Variants in RAB6A observed in about 807,000 individuals in gnomAD.
RAB6A encodes the protein ras-related protein Rab-6A.
Under a neutral mutation model 32.3 loss-of-function variants are expected in RAB6A, and 8 were observed. That is an observed-to-expected ratio of 0.25 (90% CI 0.15 to 0.45). The LOEUF is 0.45. RAB6A is among the 20% of genes least tolerant of loss of function. The pLI, the probability that RAB6A is intolerant of heterozygous loss-of-function variation, is 1.00. For synonymous variants in RAB6A, 73 were observed against 82.1 expected (o/e 0.89, Z 0.60); for missense variants, 104 against 249.4 (o/e 0.42, Z 3.93).
At chr11:73,701,994 A>G (rs1333517803) in intron 6 of RAB6A, among the ~76,000 whole-genome samples, 1 of 152,236 alleles carries the variant, frequency 6.6e-6, no homozygotes, top group Admixed American at 6.5e-5. Flanking sequence ...TAATGAAGAC[A>G]TAATGATCCT....
At chr11:73,709,934 C>CAT (rs1359317827) in intron 5 of RAB6A, among the ~76,000 whole-genome samples, 1 of 90,632 alleles carries the variant, frequency 1.1e-5, no homozygotes, top group Non-Finnish European at 2.1e-5. Flanking sequence ...CATATATATA[C>CAT]ATACACACAC....
chr11:73,723,682 C>A (rs1457085209), intron 2 of RAB6A, among the ~76,000 whole-genome samples: 1 of 152,040 alleles, frequency 6.6e-6, no homozygotes, highest in Admixed American at 6.6e-5. Context: ...AGCTGAGAAT[C>A]CTGTGGTAAA....
intron 6 of RAB6A, among the ~76,000 whole-genome samples, chr11:73,689,486 T>G (rs1375061752): frequency 6.6e-6 from 1 of 152,220 alleles, no homozygotes; most frequent in African/African-American, 2.4e-5. Context: ...GGACCAGTAT[T>G]GGGCTGTGGC....
chr11:73,724,669 G>C (rs1470047298), intron 2 of RAB6A, among the ~76,000 whole-genome samples: 2 of 152,042 alleles, frequency 1.3e-5, no homozygotes, highest in Non-Finnish European at 2.9e-5. Flanking sequence ...TGTATTTTTA[G>C]TAGAGACGGG....
rs971388661 is a variant in RAB6A at position 73,707,156 on chromosome 11, A to G, written c.495+264T>C. The stretch of plus-strand genomic sequence containing the variant: ...AAAAAAAAAAAAGAAAAGAAAATTT[A>G]CCTTTAAAGCAATGTAGTAGGAATG... On this transcript the variant is annotated intron_variant, in intron 6 of 7. Coordinates refer to ENST00000336083, the MANE Select transcript of RAB6A (RefSeq NM_198896.2). Among the ~76,000 whole-genome samples, 16 of 150,838 alleles carry G rather than the reference A, an allele frequency of 1.1e-4. 1 individual carries two copies. The highest frequency in any genetic ancestry group is 3.6e-4 in the African/African-American group (15 of 41,188).
chr11:73,741,898 C>A (rs547433819), intron 1 of RAB6A, among the ~76,000 whole-genome samples: 1 of 152,080 alleles, frequency 6.6e-6, no homozygotes, highest in Non-Finnish European at 1.5e-5. Context: ...GAGGCACTTA[C>A]TGATATTTCC....
At chr11:73,679,075 T>C (rs190895834) in intron 7 of RAB6A, among the ~76,000 whole-genome samples, 23 of 152,214 alleles carry the variant, frequency 1.5e-4, no homozygotes, top group Admixed American at 1.5e-3. Flanking sequence ...TGGGAAGAGC[T>C]GAATACAAAG....
chr11:73,738,110 T>C (rs1031892904), intron 1 of RAB6A, among the ~76,000 whole-genome samples: 5 of 152,256 alleles, frequency 3.3e-5, no homozygotes, highest in African/African-American at 1.2e-4. Context: ...AAAGTTGTTA[T>C]AAAAATTTAT....
chr11:73,715,120 C>T lies in RAB6A; in HGVS notation c.401+1131G>A, dbSNP rs112465989. The stretch of plus-strand genomic sequence containing the variant: ...TAAATTAAGAAAGACTTTTTTGCAA[C>T]TGTACTACCAATTCTTTTTTTTTTG... On this transcript the variant is annotated intron_variant, in intron 5 of 7. Transcript: ENST00000336083. Among the ~76,000 whole-genome samples, 571 of 152,210 alleles carry T rather than the reference C, an allele frequency of 3.8e-3. 4 individuals carry two copies. Among genetic ancestry groups the T allele is most frequent in the African/African-American group, 0.013 (543 of 41,536 alleles).
intron 6 of RAB6A, among the ~76,000 whole-genome samples, chr11:73,689,131 A>T (rs1945505477): frequency 1.3e-5 from 2 of 152,124 alleles, no homozygotes; most frequent in African/African-American, 4.8e-5. Context: ...CAAGAAAAAA[A>T]AAAAAATTGC....
At chr11:73,685,950 A>C (rs1420030841) in intron 6 of RAB6A, among the ~76,000 whole-genome samples, 2 of 151,522 alleles carry the variant, frequency 1.3e-5, no homozygotes, top group African/African-American at 2.4e-5. Flanking sequence ...TATCAGAGAT[A>C]AATGAACTCA....
chr11:73,735,206 T>C (rs932515793), intron 1 of RAB6A, among the ~76,000 whole-genome samples: 2 of 152,172 alleles, frequency 1.3e-5, no homozygotes, highest in Non-Finnish European at 2.9e-5. Flanking sequence ...ATGATCTCAG[T>C]AGGATTCACA....
At chr11:73,708,243 ACT>A (rs2134922202) in intron 5 of RAB6A, among the ~76,000 whole-genome samples, 1 of 152,204 alleles carries the variant, frequency 6.6e-6, no homozygotes, top group East Asian at 1.9e-4. Flanking sequence ...ATCTCAGCTC[ACT>A]GCAACCTCCA....
chr11:73,742,212 G>A (rs1201131872), intron 1 of RAB6A, among the ~76,000 whole-genome samples: 3 of 152,080 alleles, frequency 2.0e-5, no homozygotes. Flanking sequence ...AACCCAGGAG[G>A]CAGAGGTTGC....
chr11:73,715,901 T>C (rs1287555802), intron 5 of RAB6A, among the ~76,000 whole-genome samples: 4 of 152,196 alleles, frequency 2.6e-5, no homozygotes, highest in Non-Finnish European at 5.9e-5. Context: ...TTAATCATTA[T>C]GAACAATTTT....
chr11:73,697,536 C>T (rs1945673515), intron 6 of RAB6A, among the ~76,000 whole-genome samples: 1 of 151,938 alleles, frequency 6.6e-6, no homozygotes, highest in African/African-American at 2.4e-5. Flanking sequence ...TTAGTAGAGA[C>T]GGGTTTCACT....
Position 73,760,955 on chromosome 11 carries a change from G to A in RAB6A, c.-320C>T. 6.6e-6 allele frequency: 2 copies of A among 302,614 alleles called. No homozygotes were observed. The highest frequency in any genetic ancestry group is 6.5e-6 in the Non-Finnish European group (1 of 154,912). The allele number at this position is 302,614 out of a possible 1,614,324, so 18.7% of individuals were successfully genotyped here. A position where few individuals can be genotyped will look rare whatever the true frequency, so the allele number is the denominator to read the frequency against. On this transcript the variant is annotated 5_prime_UTR_variant, in exon 1 of 8. Transcript: ENST00000336083. ...TCCCTCCTTCCGCACTCGGCTCCCAGACCTGGGGAAGAGAAGCTGAGGGTG... is the reference window on the plus strand; with the variant it reads ...TCCCTCCTTCCGCACTCGGCTCCCAAACCTGGGGAAGAGAAGCTGAGGGTG...
At chr11:73,725,773 G>A (rs1946208614) in intron 2 of RAB6A, among the ~76,000 whole-genome samples, 2 of 152,090 alleles carry the variant, frequency 1.3e-5, no homozygotes, top group Admixed American at 1.3e-4. Context: ...CATATCAAGA[G>A]GCTAGAAAGT....
Position 73,749,610 on chromosome 11 carries a change from G to A in RAB6A, c.70+10956C>T, listed in dbSNP as rs148361979. ...TGTAATCTCAGCCTTTTGGGAGGCC[G>A]AGGCCAGAGGATCACTCGAGGCCAG... is the stretch of plus-strand genomic sequence containing the variant. On this transcript the variant is annotated intron_variant, in intron 1 of 7. Transcript: ENST00000336083. 3.3e-4 allele frequency among the ~76,000 whole-genome samples: 51 copies of A among 152,298 alleles called. No homozygotes were observed. The East Asian group carries it at 8.5e-3, about 25-fold the overall frequency.
Sources: gnomAD v4.1 joint callset for allele counts (sites outside exome capture counted in the v4.1 genomes callset) on GRCh38, gnomAD v4.1.1 for gene constraint, MANE v1.5 for transcripts, NCBI Gene and HGNC (gene_info 2026-07-23, HGNC 2026-07-21) for gene names.